Variants in ZBTB7C observed in about 807,000 individuals in gnomAD.
ZBTB7C encodes the protein zinc finger and BTB domain-containing protein 7C.
A neutral mutation model predicts 25.7 loss-of-function variants in ZBTB7C; 8 were observed. That is an observed-to-expected ratio of 0.31 (90% confidence interval 0.18 to 0.56). The LOEUF (loss-of-function observed/expected upper bound fraction) is 0.56, where lower values mean the gene tolerates loss of function less well. Among genes scored for constraint, ZBTB7C ranks in the 20% least tolerant of loss-of-function variants. The pLI is 0.91. For missense variants in ZBTB7C, 824 were observed against 855.2 expected, an observed-to-expected ratio of 0.96 and a Z score of 0.46; for synonymous variants, 394 against 369.0, an observed-to-expected ratio of 1.07 and a Z score of -0.78.
At chr18:48,371,365 C>G (rs1241356685) in intron 1 of ZBTB7C, among the ~76,000 whole-genome samples, 3 of 152,164 alleles carry the variant, frequency 2.0e-5, no homozygotes, top group Non-Finnish European at 4.4e-5. Context: ...GGGCTGGGAA[C>G]GAGCTTAAAG....
intron 2 of ZBTB7C, among the ~76,000 whole-genome samples, chr18:48,292,692 C>T (rs758681043): frequency 1.1e-4 from 16 of 152,180 alleles, no homozygotes; most frequent in Non-Finnish European, 2.2e-4. Context: ...TTAAACTGGG[C>T]TAGACTTTCA....
At chr18:48,261,327 G>A (rs377657461) in intron 2 of ZBTB7C, among the ~76,000 whole-genome samples, 12 of 152,240 alleles carry the variant, frequency 7.9e-5, no homozygotes, top group Admixed American at 2.6e-4. Flanking sequence ...CTCCATGATC[G>A]TTATCAAGTG....
At chr18:48,345,169 AC>A (rs1471749227) in intron 1 of ZBTB7C, among the ~76,000 whole-genome samples, 1 of 152,150 alleles carries the variant, frequency 6.6e-6, no homozygotes, top group Non-Finnish European at 1.5e-5. Flanking sequence ...GACCTTGGTA[AC>A]CCCGAGCTTA....
intron 2 of ZBTB7C, among the ~76,000 whole-genome samples, chr18:48,318,135 C>G (rs2045994357): frequency 6.6e-6 from 1 of 152,074 alleles, no homozygotes; most frequent in Non-Finnish European, 1.5e-5. Context: ...CCCATGGAGG[C>G]CTAGCTGTTT....
intron 1 of ZBTB7C, among the ~76,000 whole-genome samples, chr18:48,344,176 G>A (rs1408543107): frequency 6.6e-6 from 1 of 152,148 alleles, no homozygotes; most frequent in Non-Finnish European, 1.5e-5. Context: ...TAGAGACGGG[G>A]TTTCACCTTG....
At chr18:48,268,858 T>C (rs1433786312) in intron 2 of ZBTB7C, among the ~76,000 whole-genome samples, 2 of 152,246 alleles carry the variant, frequency 1.3e-5, no homozygotes, top group Non-Finnish European at 2.9e-5. Flanking sequence ...ACTGGGTAAT[T>C]TGTAAGCAAC....
At chr18:48,298,791 G>A (rs939501370) in intron 2 of ZBTB7C, among the ~76,000 whole-genome samples, 1 of 152,132 alleles carries the variant, frequency 6.6e-6, no homozygotes, top group South Asian at 2.1e-4. Context: ...AACCTAGTTC[G>A]CAGTCTCCTC....
chr18:48,371,356 G>A (rs1188475124), intron 1 of ZBTB7C, among the ~76,000 whole-genome samples: 1 of 152,148 alleles, frequency 6.6e-6, no homozygotes, highest in Non-Finnish European at 1.5e-5. Context: ...GAAATGTCAG[G>A]GCTGGGAACG....
intron 3 of ZBTB7C, among the ~76,000 whole-genome samples, chr18:48,053,432 T>C (rs2036777862): frequency 3.3e-5 from 5 of 152,070 alleles, no homozygotes; most frequent in Admixed American, 2.6e-4. Flanking sequence ...TTTGACTGAA[T>C]CAAACTGGTC....
intron 2 of ZBTB7C, among the ~76,000 whole-genome samples, chr18:48,210,704 C>T (rs535112172): frequency 2.9e-4 from 44 of 151,380 alleles, no homozygotes; most frequent in East Asian, 1.9e-4. Flanking sequence ...GAGGTGTCTC[C>T]GGGGGTAGGG....
At chr18:48,253,561 C>T (rs2043932043) in intron 2 of ZBTB7C, among the ~76,000 whole-genome samples, 1 of 152,088 alleles carries the variant, frequency 6.6e-6, no homozygotes, top group South Asian at 2.1e-4. Flanking sequence ...TAGCATTCTT[C>T]CTGAGTAGAA....
Position 48,029,460 on chromosome 18 carries a change from T to G in ZBTB7C, c.1660A>C (p.Thr554Pro), listed in dbSNP as rs960093939. The G allele has an allele frequency of 5.0e-6, 8 of 1,597,468 alleles. No homozygotes were observed. The highest frequency in any genetic ancestry group is 6.8e-6 in the Non-Finnish European group (8 of 1,175,392). The change falls in exon 5 of 5, where the codon ACA (threonine) becomes CCA (proline). Residue 554 changes from threonine to proline, a missense_variant. By Grantham distance (38) the Thr-to-Pro change is conservative. Around this residue, in one of 4 missense-constraint regions of ZBTB7C, gnomAD observed 342 missense variants for 307.0 expected, o/e 1.11. Coordinates refer to ENST00000590800, the MANE Select transcript of ZBTB7C (RefSeq NM_001318841.2). Reference sequence around the variant, plus strand: ...GCGCGCCCGAACAGCTTCATCTGTGTCTCCTCGAACTGCCGCTCCAGCTCT... The same window carrying G: ...GCGCGCCCGAACAGCTTCATCTGTGGCTCCTCGAACTGCCGCTCCAGCTCT... ...LQELERQFEE[T>P]QMKLFGRAQL...
intron 3 of ZBTB7C, among the ~76,000 whole-genome samples, chr18:48,177,028 AG>A (rs1019790323): frequency 3.3e-5 from 5 of 152,244 alleles, no homozygotes; most frequent in Non-Finnish European, 5.9e-5. Flanking sequence ...AACTTGGCCC[AG>A]GCCCCCCATA....
chr18:48,227,598 G>T (rs776598048), intron 2 of ZBTB7C, among the ~76,000 whole-genome samples: 19 of 152,198 alleles, frequency 1.2e-4, no homozygotes, highest in Non-Finnish European at 2.5e-4. Flanking sequence ...TGTCATTACT[G>T]TAATGAAGCC....
Position 48,242,728 on chromosome 18 carries a change from G to A in ZBTB7C, c.-78-56733C>T, listed in dbSNP as rs77302941. 8.5e-5 allele frequency among the ~76,000 whole-genome samples: 13 copies of A among 152,162 alleles called. No individual in the cohort carries two copies. In the East Asian group the frequency reaches 1.2e-3, roughly 14 times the overall value. On this transcript the variant is annotated intron_variant, in intron 2 of 4. Coordinates refer to ENST00000590800, the MANE Select transcript of ZBTB7C (RefSeq NM_001318841.2). ...GTAATAAAAGCCATCTATGACAAAC[G>A]CACAGCCAATATTATACTGAACAGG... is the stretch of plus-strand genomic sequence containing the variant.
intron 2 of ZBTB7C, among the ~76,000 whole-genome samples, chr18:48,225,479 G>C (rs922915938): frequency 2.0e-5 from 3 of 152,080 alleles, no homozygotes; most frequent in Non-Finnish European, 4.4e-5. Context: ...CTCTGCTTTC[G>C]GTAGCATGGC....
At chr18:48,317,099 C>G (rs2045965719) in intron 2 of ZBTB7C, among the ~76,000 whole-genome samples, 1 of 151,912 alleles carries the variant, frequency 6.6e-6, no homozygotes, top group African/African-American at 2.4e-5. Context: ...ATGGTGAAAC[C>G]CTGTCTCTAC....
At chr18:48,166,634 T>C (rs1427692889) in intron 3 of ZBTB7C, among the ~76,000 whole-genome samples, 1 of 152,044 alleles carries the variant, frequency 6.6e-6, no homozygotes, top group Non-Finnish European at 1.5e-5. Context: ...ACAGGACCAA[T>C]GAAGCAGCAT....
intron 3 of ZBTB7C, among the ~76,000 whole-genome samples, chr18:48,095,143 A>G (rs1395113748): frequency 3.3e-5 from 5 of 152,172 alleles, no homozygotes; most frequent in African/African-American, 4.8e-5. Context: ...ATACTCCCCA[A>G]ATGACATGCA....
Sources: gnomAD v4.1 joint callset for allele counts (sites outside exome capture counted in the v4.1 genomes callset) on GRCh38, gnomAD v4.1.1 for gene constraint, gnomAD v4.1.1 regional missense constraint, MANE v1.5 for transcripts, NCBI Gene and HGNC (gene_info 2026-07-23, HGNC 2026-07-21) for gene names.